The following SNTG1 variants were observed in gnomAD, a reference collection of about 807,000 sequenced individuals.
SNTG1 encodes syntrophin gamma 1.
SNTG1 carries 39 observed loss-of-function variants against 74.7 expected under a neutral mutation model. The ratio of observed to expected loss-of-function variants is 0.52; its 90% CI spans 0.40 to 0.68. The LOEUF is 0.68. Ranked by LOEUF, SNTG1 falls within the 30% of genes least tolerant of loss-of-function variation. SNTG1 has a pLI of 0.00. For missense variants in SNTG1, 685 were observed against 609.5 expected (o/e 1.12, Z -1.30); for synonymous variants, 254 against 217.1 (o/e 1.17, Z -1.49).
intron 1 of SNTG1, among the ~76,000 whole-genome samples, chr8:50,007,228 G>T (rs550899999): frequency 3.9e-4 from 60 of 152,212 alleles, no homozygotes; most frequent in African/African-American, 1.4e-3. Flanking sequence ...TGTTAGGCTT[G>T]GATGTCCTTC....
intron 2 of SNTG1, among the ~76,000 whole-genome samples, chr8:50,174,848 C>T (rs62516687): frequency 0.29 from 41,923 of 145,172 alleles, 6,343 homozygotes; most frequent in South Asian, 0.42. Flanking sequence ...TCTCGTAATG[C>T]TATCCCTCCC....
Position 50,269,852 on chromosome 8 carries a change from T to C in SNTG1, c.-28+97217T>C, listed in dbSNP as rs529733068. Among the ~76,000 whole-genome samples, 86 of 152,282 alleles carry C rather than the reference T, an allele frequency of 5.6e-4. 1 individual carries two copies. In the South Asian group the frequency reaches 8.3e-3, roughly 15 times the overall value. On this transcript the variant is annotated intron_variant, in intron 2 of 18. Coordinates refer to ENST00000642720, the MANE Select transcript of SNTG1 (RefSeq NM_018967.5). The stretch of plus-strand genomic sequence containing the variant: ...TGTGGGGAGTTACATAAAAGACGTA[T>C]ACACATTTACTCTATGAGCTTAGGA...
At chr8:50,372,741 A>G (rs902711526) in intron 2 of SNTG1, among the ~76,000 whole-genome samples, 1 of 152,118 alleles carries the variant, frequency 6.6e-6, no homozygotes, top group African/African-American at 2.4e-5. Context: ...CAGTGTAAGG[A>G]TTTCAATAAT....
chr8:50,160,079 A>G (rs2082368824), intron 1 of SNTG1, among the ~76,000 whole-genome samples: 1 of 152,196 alleles, frequency 6.6e-6, no homozygotes, highest in Non-Finnish European at 1.5e-5. Flanking sequence ...CATATTGAGT[A>G]ATGTGTTTGT....
In SNTG1 at chr8:50,120,655, C is replaced by T. The variant is rs1439245703; in HGVS notation, c.-102-51906C>T. Among the ~76,000 whole-genome samples, 5 of 142,124 alleles carry T rather than the reference C, an allele frequency of 3.5e-5. 1 individual carries two copies. Among genetic ancestry groups the T allele is most frequent in the Non-Finnish European group, 7.8e-5 (5 of 63,876 alleles). The allele number at this position is 142,124 out of a possible 152,430, so 93.2% of individuals were successfully genotyped here. A position where few individuals can be genotyped will look rare whatever the true frequency, so the allele number is the denominator to read the frequency against. On this transcript the variant is annotated intron_variant, in intron 1 of 18. Transcript: ENST00000642720. ...ACCTCTGTCACTACCAACCTCACCA[C>T]CACTATTACCGCTGTTATCACCACC...
chr8:50,231,774 AT>A (rs1027385043), intron 2 of SNTG1, among the ~76,000 whole-genome samples: 1 of 151,374 alleles, frequency 6.6e-6, no homozygotes, highest in African/African-American at 2.4e-5. Context: ...GAAGGAATAC[AT>A]TTGCTTTATT....
intron 1 of SNTG1, among the ~76,000 whole-genome samples, chr8:49,995,072 AT>A (rs1324293398): frequency 2.6e-5 from 4 of 152,158 alleles, no homozygotes; most frequent in African/African-American, 9.7e-5. Flanking sequence ...GAATCGAGAG[AT>A]TGTGAAAGAC....
intron 4 of SNTG1, among the ~76,000 whole-genome samples, chr8:50,424,272 C>A (rs955612215): frequency 6.6e-6 from 1 of 152,002 alleles, no homozygotes; most frequent in Admixed American, 6.6e-5. Context: ...AAGTCCTTGG[C>A]AAGTAAATGG....
At chr8:50,387,559 C>T (rs893206302) in intron 2 of SNTG1, among the ~76,000 whole-genome samples, 23 of 152,102 alleles carry the variant, frequency 1.5e-4, no homozygotes, top group South Asian at 2.1e-4. Flanking sequence ...CTTTCTAACA[C>T]CCCAAATTTA....
chr8:50,329,040 T>C (rs2090859964), intron 2 of SNTG1, among the ~76,000 whole-genome samples: 1 of 152,166 alleles, frequency 6.6e-6, no homozygotes, highest in Non-Finnish European at 1.5e-5. Context: ...GAGTCTGAAA[T>C]CCAGCAGAGC....
At chr8:50,352,057 A>G (rs2091678016) in intron 2 of SNTG1, among the ~76,000 whole-genome samples, 1 of 152,164 alleles carries the variant, frequency 6.6e-6, no homozygotes. Context: ...AAGCATAACC[A>G]TGCTTTTCTT....
chr8:50,251,898 T>A (rs2086662436), intron 2 of SNTG1, among the ~76,000 whole-genome samples: 1 of 152,116 alleles, frequency 6.6e-6, no homozygotes, highest in Non-Finnish European at 1.5e-5. Flanking sequence ...CATCTACAGC[T>A]GCAGAATTCC....
intron 3 of SNTG1, among the ~76,000 whole-genome samples, chr8:50,398,689 G>T (rs1277988854): frequency 1.3e-5 from 2 of 152,212 alleles, no homozygotes; most frequent in Non-Finnish European, 2.9e-5. Flanking sequence ...CACTTTGGGA[G>T]GCCGAGGCGG....
chr8:50,480,561 C>T (rs1020706918), intron 8 of SNTG1, among the ~76,000 whole-genome samples: 1 of 152,168 alleles, frequency 6.6e-6, no homozygotes, highest in Non-Finnish European at 1.5e-5. Context: ...AAATTGCTAA[C>T]TAGTGCTGAA....
chr8:50,704,899 T>A, intron 16 of SNTG1, 147 bp downstream of exon 16: 1 of 882,594 alleles, frequency 1.1e-6, no homozygotes, highest in Non-Finnish European at 1.7e-6. Flanking sequence ...CATTTTTGTT[T>A]AGTGACTAGT....
At chr8:50,238,181 C>A (rs2086001558) in intron 2 of SNTG1, among the ~76,000 whole-genome samples, 2 of 151,924 alleles carry the variant, frequency 1.3e-5, no homozygotes. Context: ...CCCAAATAAC[C>A]AAAGCAACCC....
intron 2 of SNTG1, among the ~76,000 whole-genome samples, chr8:50,287,461 C>T (rs1473887505): frequency 6.6e-6 from 1 of 152,124 alleles, no homozygotes; most frequent in Non-Finnish European, 1.5e-5. Context: ...AAAACAGCAC[C>T]AGGCCAGGGG....
intron 2 of SNTG1, among the ~76,000 whole-genome samples, chr8:50,253,201 A>T (rs1481738051): frequency 6.6e-6 from 1 of 152,084 alleles, no homozygotes; most frequent in Non-Finnish European, 1.5e-5. Flanking sequence ...AGGTGGGTGG[A>T]TCACCTGAGG....
chr8:49,942,693 T>C (rs1808807016), intron 1 of SNTG1, among the ~76,000 whole-genome samples: 1 of 152,178 alleles, frequency 6.6e-6, no homozygotes, highest in Non-Finnish European at 1.5e-5. Context: ...GATGTCCCTA[T>C]ATTGGGGTTT....
Sources: allele counts gnomAD v4.1 joint callset (sites outside exome capture counted in the v4.1 genomes callset), GRCh38; gene constraint gnomAD v4.1.1; transcripts MANE v1.5; gene names NCBI Gene and HGNC (gene_info 2026-07-23, HGNC 2026-07-21).